The following GRIK4 variants were observed in gnomAD, a reference collection of about 807,000 sequenced individuals.
The protein encoded by GRIK4 is glutamate receptor ionotropic, kainate 4.
Under a neutral mutation model 104.9 loss-of-function variants are expected in GRIK4, and 40 were observed. That is an observed-to-expected ratio of 0.38 (90% CI 0.30 to 0.50). GRIK4 has a LOEUF of 0.50. GRIK4 is among the 20% of genes least tolerant of loss of function. The pLI, the probability that GRIK4 is intolerant of heterozygous loss-of-function variation, is 0.93. For missense variants in GRIK4, 1,047 were observed against 1,308.1 expected, an observed-to-expected ratio of 0.80 and a Z score of 3.08; for synonymous variants, 485 against 524.9, an observed-to-expected ratio of 0.92 and a Z score of 1.04.
At chr11:120,599,955 A>T (rs1339177882) in intron 1 of GRIK4, among the ~76,000 whole-genome samples, 2 of 152,224 alleles carry the variant, frequency 1.3e-5, no homozygotes, top group Non-Finnish European at 2.9e-5. Flanking sequence ...TGAACATTAG[A>T]GGCTGGTTTT....
intron 1 of GRIK4, among the ~76,000 whole-genome samples, chr11:120,571,830 T>C (rs1948404319): frequency 6.6e-6 from 1 of 152,128 alleles, no homozygotes; most frequent in East Asian, 1.9e-4. Context: ...CTTTAAACTT[T>C]CCTGGGTGAA....
chr11:120,875,233 G>A lies in GRIK4; in HGVS notation c.1154G>A (p.Gly385Asp), dbSNP rs780591152. 4 of 1,608,222 alleles carry A rather than the reference G, an allele frequency of 2.5e-6. No individual in the cohort carries two copies. The highest frequency in any genetic ancestry group is 3.4e-6 in the Non-Finnish European group (4 of 1,174,600). ...AAAATCTTACAGTTCACAAGGAATG[G>A]TTTTCGGCAGGTAAGCCTAGCTGCA... ...ALKILQFTRN[G>D]FRQIGQWHVA... Residue 385 changes from glycine to aspartate, a missense_variant, in exon 11 of 21, where the codon GGT becomes GAT. Coordinates refer to ENST00000527524, the MANE Select transcript of GRIK4 (RefSeq NM_014619.5).
chr11:120,593,570 CG>C (rs919893822), intron 1 of GRIK4, among the ~76,000 whole-genome samples: 4 of 151,956 alleles, frequency 2.6e-5, no homozygotes, highest in African/African-American at 9.7e-5. Context: ...GTCTAAATGT[CG>C]GATGTCCCAA....
chr11:120,656,661 G>C (rs1789340261), intron 2 of GRIK4, among the ~76,000 whole-genome samples: 1 of 152,196 alleles, frequency 6.6e-6, no homozygotes, highest in African/African-American at 2.4e-5. Context: ...AGGAGTTCGA[G>C]ACCAGCCTGG....
Position 120,513,260 on chromosome 11 carries a change from C to G in GRIK4, c.-159+1373C>G, listed in dbSNP as rs1224159116. On this transcript the variant is annotated intron_variant, in intron 1 of 20. Transcript: ENST00000527524. The surrounding 1 kb of genome is among the most constrained non-coding windows in gnomAD (Gnocchi z 4.5). ...ACCTTCACTTTCACTCCCTATGGGT[C>G]ACCTGGTTGGTAGTGACACTTCTAG... 6.6e-6 allele frequency among the ~76,000 whole-genome samples: 1 copy of G among 152,160 alleles called. No homozygotes were observed. Among genetic ancestry groups the G allele is most frequent in the Non-Finnish European group, 1.5e-5 (1 of 68,024 alleles).
At chr11:120,657,406 C>T (rs75749368) in intron 2 of GRIK4, among the ~76,000 whole-genome samples, 14,142 of 152,270 alleles carry the variant, frequency 0.093, 1,590 homozygotes, top group African/African-American at 0.27. Context: ...TTGCCAACAG[C>T]GGAGTTGCCT....
chr11:120,584,749 T>G (rs1486873440), intron 1 of GRIK4, among the ~76,000 whole-genome samples: 1 of 152,250 alleles, frequency 6.6e-6, no homozygotes, highest in Non-Finnish European at 1.5e-5. Context: ...CAGTGCATAG[T>G]GTGTTGAGGG....
intron 1 of GRIK4, among the ~76,000 whole-genome samples, chr11:120,608,329 G>A (rs1028026733): frequency 6.6e-6 from 1 of 152,172 alleles, no homozygotes; most frequent in Non-Finnish European, 1.5e-5. Flanking sequence ...TATACAAAAA[G>A]TATAGGAAGA....
At chr11:120,661,545 C>T (rs910612057) in intron 3 of GRIK4, among the ~76,000 whole-genome samples, 2 of 152,222 alleles carry the variant, frequency 1.3e-5, no homozygotes, top group African/African-American at 4.8e-5. Context: ...TGCTGAATCT[C>T]AGGGAGCTGA....
At position 120,893,714 on chromosome 11, in the gene GRIK4, T is replaced by C. The variant is rs542644802; in HGVS notation, c.1165-4818T>C. Among the ~76,000 whole-genome samples, 13 of 152,356 alleles carry C rather than the reference T, an allele frequency of 8.5e-5. No homozygotes were observed. In the South Asian group the frequency reaches 2.5e-3, roughly 29 times the overall value. Reference sequence around the variant, plus strand: ...CCCAGCTCTGTGCTTGGTGACATCATGTTGGCAGCTTTAAATCAGCCATAG... The same window carrying C: ...CCCAGCTCTGTGCTTGGTGACATCACGTTGGCAGCTTTAAATCAGCCATAG... On this transcript the variant is annotated intron_variant, in intron 11 of 20. Coordinates refer to ENST00000527524, the MANE Select transcript of GRIK4 (RefSeq NM_014619.5).
At chr11:120,512,630 G>A (rs1947677219) in intron 1 of GRIK4, among the ~76,000 whole-genome samples, 1 of 149,844 alleles carries the variant, frequency 6.7e-6, no homozygotes, top group South Asian at 2.1e-4. Context: ...CAATGGGCGC[G>A]TGATGGGGGA....
chr11:120,726,126 C>T (rs1333065004), intron 3 of GRIK4, among the ~76,000 whole-genome samples: 4 of 152,078 alleles, frequency 2.6e-5, no homozygotes, highest in Non-Finnish European at 5.9e-5. Context: ...AGATGGGAAG[C>T]ATTTGAACAT....
At chr11:120,954,782 T>TAC (rs768646075) in intron 15 of GRIK4, among the ~76,000 whole-genome samples, 188 of 107,990 alleles carry the variant, frequency 1.7e-3, no homozygotes, top group Middle Eastern at 4.7e-3. Flanking sequence ...TCTCTCTCAC[T>TAC]ACACACACAC....
chr11:120,740,685 A>G (rs1448417242), intron 3 of GRIK4, among the ~76,000 whole-genome samples: 4 of 152,160 alleles, frequency 2.6e-5, no homozygotes, highest in Admixed American at 6.5e-5. Context: ...CTGTGCTCCC[A>G]TGGAGCTGAG....
At chr11:120,982,950 C>T (rs970700087) in intron 20 of GRIK4, among the ~76,000 whole-genome samples, 1 of 152,184 alleles carries the variant, frequency 6.6e-6, no homozygotes, top group African/African-American at 2.4e-5. Context: ...TTTCCTGTCT[C>T]CTTGTAGGAC....
intron 20 of GRIK4, among the ~76,000 whole-genome samples, chr11:120,984,383 T>C (rs965238311): frequency 6.6e-6 from 1 of 152,228 alleles, no homozygotes; most frequent in African/African-American, 2.4e-5. Flanking sequence ...CAGAGTCAGC[T>C]ATTAGTCAAT....
chr11:120,744,485 C>T (rs1951402936), intron 3 of GRIK4, among the ~76,000 whole-genome samples: 1 of 152,178 alleles, frequency 6.6e-6, no homozygotes, highest in South Asian at 2.1e-4. Context: ...ACAAGAAGGA[C>T]AACAGGAGTA....
chr11:120,733,446 G>A (rs571561955), intron 3 of GRIK4, among the ~76,000 whole-genome samples: 47 of 151,610 alleles, frequency 3.1e-4, no homozygotes, highest in African/African-American at 1.0e-3. Flanking sequence ...CTTTTCTCTG[G>A]TGGTGTGATT....
chr11:120,885,383 C>T (rs906948247), intron 11 of GRIK4, among the ~76,000 whole-genome samples: 1 of 139,860 alleles, frequency 7.2e-6, no homozygotes, highest in Admixed American at 6.9e-5. Flanking sequence ...AACATAAATT[C>T]TTCTTTTTTT....
Sources: allele counts gnomAD v4.1 joint callset (sites outside exome capture counted in the v4.1 genomes callset), GRCh38; gene constraint gnomAD v4.1.1; non-coding constraint Gnocchi (gnomAD v3.1); transcripts MANE v1.5; gene names NCBI Gene and HGNC (gene_info 2026-07-23, HGNC 2026-07-21).